Variants in STAB1 observed in about 807,000 individuals in gnomAD.
The protein encoded by STAB1 is stabilin-1.
STAB1 carries 250 observed loss-of-function variants against 332.4 expected under a neutral mutation model. The observed-to-expected ratio is 0.75, with a 90% CI of 0.68 to 0.84. The LOEUF is 0.84. Among genes scored for constraint, STAB1 ranks in the 40% least tolerant of loss-of-function variants. The pLI, the probability that STAB1 is intolerant of heterozygous loss-of-function variation, is 0.00. For missense variants in STAB1, 3,249 were observed against 3,489.7 expected, an observed-to-expected ratio of 0.93 and a Z score of 1.74; for synonymous variants, 1,475 against 1,390.4, an observed-to-expected ratio of 1.06 and a Z score of -1.35.
intron 25 of STAB1, 82 bp from the exon 26 acceptor site, chr3:52,511,568 G>T: frequency 1.5e-6 from 2 of 1,331,466 alleles, no homozygotes; most frequent in South Asian, 2.8e-5. Context: ...TGGGGGCAGT[G>T]ACCAGAGAGA....
At chr3:52,500,737 T>A (rs1708384789) in intron 1 of STAB1, among the ~76,000 whole-genome samples, 1 of 152,226 alleles carries the variant, frequency 6.6e-6, no homozygotes. Context: ...AGGCTGGGAA[T>A]CTGGGTTTAG....
chr3:52,510,121 C>T, intron 23 of STAB1, 21 bp from the exon 24 acceptor site: 1 of 1,613,850 alleles, frequency 6.2e-7, no homozygotes, highest in Non-Finnish European at 8.5e-7. Context: ...CACTGGAGCC[C>T]CCTCCTTCAC....
chr3:52,495,957 G>A (rs1010987058), intron 1 of STAB1, among the ~76,000 whole-genome samples: 2 of 152,196 alleles, frequency 1.3e-5, no homozygotes, highest in African/African-American at 4.8e-5. Flanking sequence ...CACCCTTAGT[G>A]TCCGGGGTTA....
chr3:52,524,060 G>A (rs748237400), intron 67 of STAB1, 40 bp from the exon 68 acceptor site: 59 of 1,612,474 alleles, frequency 3.7e-5, no homozygotes, highest in Middle Eastern at 1.6e-4. Context: ...CTTGGATCTC[G>A]CTTGAGGCGC....
chr3:52,507,377 C>A (rs1335841105), intron 18 of STAB1, among the ~76,000 whole-genome samples: 1 of 152,208 alleles, frequency 6.6e-6, no homozygotes, highest in Non-Finnish European at 1.5e-5. Context: ...ACCGCTCCAT[C>A]CCCTTTCACT....
At position 52,505,569 on chromosome 3, in the gene STAB1, G is replaced by A. The variant is rs995261843; in HGVS notation, c.1582-99G>A. 12 of 1,317,946 alleles carry A rather than the reference G, an allele frequency of 9.1e-6. 1 individual carries two copies. The Middle Eastern group carries it at 6.9e-4, about 75-fold the overall frequency. The allele number at this position is 1,317,946 out of a possible 1,614,324, so 81.6% of individuals were successfully genotyped here. A position where few individuals can be genotyped will look rare whatever the true frequency, so the allele number is the denominator to read the frequency against. On this transcript the variant is annotated intron_variant, in intron 14 of 68. Coordinates refer to ENST00000321725, the MANE Select transcript of STAB1 (RefSeq NM_015136.3). Reference sequence around the variant, plus strand: ...ATTGCCCATGTCTCCCCCTTACTCAGTGGGAGTTTCCTGCAGGCCAAAGGT... The same window carrying A: ...ATTGCCCATGTCTCCCCCTTACTCAATGGGAGTTTCCTGCAGGCCAAAGGT...
intron 50 of STAB1, 57 bp from the exon 51 acceptor site, chr3:52,519,887 T>TA: frequency 6.6e-7 from 1 of 1,516,492 alleles, no homozygotes. Flanking sequence ...CCCCCTGCCT[T>TA]TGCTAACTAG....
chr3:52,502,118 G>A, intron 4 of STAB1, 27 bp downstream of exon 4: 2 of 1,613,610 alleles, frequency 1.2e-6, no homozygotes, highest in Non-Finnish European at 1.7e-6. Context: ...GTGGGGTGGA[G>A]GCTCAGAGGG....
Position 52,516,402 on chromosome 3 carries a change from C to T in STAB1, c.4191C>T (p.Asp1397=), listed in dbSNP as rs200875564. The stretch of plus-strand genomic sequence containing the variant: ...TGTGCCAGGAGGGGCTGCAAGGGGA[C>T]GGAAGCTGTGTCTGTAACGTGGGCT... ...HGLCQEGLQG[D]GSCVCNVGWQ... The change falls in exon 39 of 69, where the codon GAC becomes GAT. Residue 1397 remains aspartate, a synonymous_variant. Coordinates refer to ENST00000321725, the MANE Select transcript of STAB1 (RefSeq NM_015136.3). 117 of 1,610,572 alleles carry T rather than the reference C, an allele frequency of 7.3e-5. No individual in the cohort carries two copies. The Middle Eastern group carries it at 9.9e-4, about 14-fold the overall frequency.
At chr3:52,516,298 C>A in intron 38 of STAB1, 58 bp from the exon 39 acceptor site, 1 of 1,606,644 alleles carries the variant, frequency 6.2e-7, no homozygotes, top group Non-Finnish European at 8.5e-7. Flanking sequence ...CCTGGAGACC[C>A]CAGCCGGGAC....
chr3:52,518,616 A>G lies in STAB1; in HGVS notation c.4887+3A>G. Reference sequence around the variant, plus strand: ...ATCTAATGAGCAACCTGTCGCAGGTATGCAGCCCCCAGAGCGAGGCTGGGC... The same window carrying G: ...ATCTAATGAGCAACCTGTCGCAGGTGTGCAGCCCCCAGAGCGAGGCTGGGC... On this transcript the variant is annotated splice_donor_region_variant and intron_variant, in intron 47 of 68. Transcript: ENST00000321725. 2.5e-6 allele frequency: 4 copies of G among 1,608,330 alleles called. No individual in the cohort carries two copies. Among genetic ancestry groups the G allele is most frequent in the Non-Finnish European group, 3.4e-6 (4 of 1,177,866 alleles).
chr3:52,498,287 C>T (rs1283473180), intron 1 of STAB1, among the ~76,000 whole-genome samples: 2 of 152,212 alleles, frequency 1.3e-5, no homozygotes, highest in African/African-American at 2.4e-5. Context: ...GGGGAGACAG[C>T]ACCCGCTCTG....
At position 52,515,522 on chromosome 3, in the gene STAB1, C is replaced by T. The variant is rs1431740565; in HGVS notation, c.3948+16C>T. 1 of 1,612,742 alleles carries T rather than the reference C, an allele frequency of 6.2e-7. No individual in the cohort carries two copies. The highest frequency in any genetic ancestry group is 1.1e-5 in the South Asian group (1 of 91,064). On this transcript the variant is annotated intron_variant, in intron 37 of 68. Coordinates refer to ENST00000321725, the MANE Select transcript of STAB1 (RefSeq NM_015136.3). ...GAAGATCCAGGTTTGCCCTGAAGCC[C>T]CCACCCCAAGCCTGTCCAGAGAGAA...
chr3:52,509,495 G>A (rs1709134039), intron 22 of STAB1, 174 bp downstream of exon 22: 4 of 612,258 alleles, frequency 6.5e-6, no homozygotes, highest in Non-Finnish European at 8.5e-6. Context: ...GGGAAACGAA[G>A]CCCCAGGAGG....
In STAB1 at chr3:52,501,770, G is replaced by T; in HGVS notation, c.331+17G>T. 3.2e-6 allele frequency: 5 copies of T among 1,551,036 alleles called. No homozygotes were observed. The highest frequency in any genetic ancestry group is 4.4e-6 in the Non-Finnish European group (5 of 1,147,134). On this transcript the variant is annotated intron_variant, in intron 3 of 68. Coordinates refer to ENST00000321725, the MANE Select transcript of STAB1 (RefSeq NM_015136.3). ...GGTGCCATGGTATGGGAGAAAGGGG[G>T]ACCCCGCCTTGCGCCTCCCACCCAG...
At chr3:52,521,329 G>GCCCCACCTCACTTCTCCTACCCCAT in intron 55 of STAB1, 32 bp from the exon 56 acceptor site, 1 of 1,612,752 alleles carries the variant, frequency 6.2e-7, no homozygotes, top group Non-Finnish European at 8.5e-7. Flanking sequence ...AGAGCCCCTG[G>GCCCCACCTCACTTCTCCTACCCCAT]CCCCACCTCA....
Position 52,514,751 on chromosome 3 carries a change from C to T in STAB1, c.3729C>T (p.Gly1243=). 6.2e-7 allele frequency: 1 copy of T among 1,613,050 alleles called. No homozygotes were observed. Among genetic ancestry groups the T allele is most frequent in the Non-Finnish European group, 8.5e-7 (1 of 1,180,014 alleles). Residue 1243 remains glycine, a synonymous_variant, in exon 35 of 69, where the codon GGC becomes GGT. Coordinates refer to ENST00000321725, the MANE Select transcript of STAB1 (RefSeq NM_015136.3). ...PLEGPMLEAP[G]RSLIGLSGVL... ...AAGGCCCCATGCTGGAGGCCCCTGGCCGCTCGCTGATTGGTCTGTCGGGGG... is the reference window on the plus strand; with the variant it reads ...AAGGCCCCATGCTGGAGGCCCCTGGTCGCTCGCTGATTGGTCTGTCGGGGG...
chr3:52,516,913 A>G, intron 41 of STAB1, 71 bp from the exon 42 acceptor site: 2 of 1,600,556 alleles, frequency 1.2e-6, no homozygotes, highest in Non-Finnish European at 1.7e-6. Flanking sequence ...CCTTTCTCTC[A>G]CGCCCTCCTC....
chr3:52,512,904 G>A lies in STAB1; in HGVS notation c.3104G>A (p.Ser1035Asn). Reference sequence around the variant, plus strand: ...TCCGAGGCTGCAGTCCGTCAGCTGAGCCCCGAGGACCGAGCTTTCTGGCTG... The same window carrying A: ...TCCGAGGCTGCAGTCCGTCAGCTGAACCCCGAGGACCGAGCTTTCTGGCTG... ...VPSEAAVRQL[S>N]PEDRAFWLQP... Residue 1035 changes from serine (S) to asparagine (N), a missense_variant, in exon 29 of 69, where the codon AGC (serine) becomes AAC (asparagine). By Grantham distance (46) the Ser-to-Asn change is conservative. Coordinates refer to ENST00000321725, the MANE Select transcript of STAB1 (RefSeq NM_015136.3). The A allele has an allele frequency of 1.2e-6, 2 of 1,612,174 alleles. No homozygotes were observed. The highest frequency in any genetic ancestry group is 1.7e-6 in the Non-Finnish European group (2 of 1,179,894).
Sources: gnomAD v4.1 joint callset for allele counts (sites outside exome capture counted in the v4.1 genomes callset) on GRCh38, gnomAD v4.1.1 for gene constraint, MANE v1.5 for transcripts, NCBI Gene and HGNC (gene_info 2026-07-23, HGNC 2026-07-21) for gene names.